Variants in SERGEF observed in about 807,000 individuals in gnomAD.
The protein encoded by SERGEF is secretion regulating guanine nucleotide exchange factor.
A neutral mutation model predicts 50.0 loss-of-function variants in SERGEF; 51 were observed. The observed-to-expected ratio is 1.02, with a 90% CI of 0.81 to 1.29. The LOEUF (loss-of-function observed/expected upper bound fraction) is 1.29. Among genes scored for constraint, SERGEF ranks in the 50% most tolerant of loss-of-function variants. The pLI is 0.00. For synonymous variants in SERGEF, 205 were observed against 212.4 expected, an observed-to-expected ratio of 0.97 and a Z score of 0.30; for missense variants, 521 against 557.0, an observed-to-expected ratio of 0.94 and a Z score of 0.65.
chr11:17,924,650 T>G (rs1590200637), intron 9 of SERGEF, among the ~76,000 whole-genome samples: 4 of 60,564 alleles, frequency 6.6e-5, no homozygotes, highest in Admixed American at 2.3e-4. Context: ...ACAGTGGGGG[T>G]GCGGGGGGTG....
intron 4 of SERGEF, chr11:18,002,057 T>C: frequency 2.2e-6 from 1 of 456,176 alleles, no homozygotes; most frequent in South Asian, 1.5e-5. Context: ...GAAACTATAC[T>C]TCTGTCAATG....
At chr11:17,820,124 A>G (rs1262425810) in intron 10 of SERGEF, among the ~76,000 whole-genome samples, 4 of 152,020 alleles carry the variant, frequency 2.6e-5, no homozygotes, top group African/African-American at 9.7e-5. Flanking sequence ...GATTATAGGC[A>G]TGAGCCACTG....
intron 7 of SERGEF, among the ~76,000 whole-genome samples, chr11:17,989,014 A>T (rs1442702872): frequency 6.6e-6 from 1 of 152,168 alleles, no homozygotes; most frequent in Non-Finnish European, 1.5e-5. Context: ...TTTTCTCTTC[A>T]CTTTTTCATT....
At chr11:17,934,035 T>C (rs1478348868) in intron 9 of SERGEF, among the ~76,000 whole-genome samples, 1 of 152,098 alleles carries the variant, frequency 6.6e-6, no homozygotes, top group Non-Finnish European at 1.5e-5. Flanking sequence ...TGTCAAAATG[T>C]TCATGGAATT....
At chr11:17,874,997 C>A (rs894989337) in intron 10 of SERGEF, among the ~76,000 whole-genome samples, 3 of 152,210 alleles carry the variant, frequency 2.0e-5, no homozygotes. Context: ...GTTCTTAGCA[C>A]TTTACCTAAC....
intron 8 of SERGEF, among the ~76,000 whole-genome samples, chr11:17,976,956 G>A (rs1853389847): frequency 6.6e-6 from 1 of 152,242 alleles, no homozygotes; most frequent in African/African-American, 2.4e-5. Context: ...GGGGCATCAG[G>A]CATCACTGTC....
intron 9 of SERGEF, among the ~76,000 whole-genome samples, chr11:17,894,386 A>C (rs1040846680): frequency 6.6e-6 from 1 of 152,220 alleles, no homozygotes; most frequent in Non-Finnish European, 1.5e-5. Flanking sequence ...TTATAGATTA[A>C]CTGAGAAATA....
At chr11:17,917,490 T>C (rs1192222414) in intron 9 of SERGEF, among the ~76,000 whole-genome samples, 1 of 152,070 alleles carries the variant, frequency 6.6e-6, no homozygotes, top group Non-Finnish European at 1.5e-5. Context: ...GTAATGGGTC[T>C]CAAAAATCAC....
chr11:17,954,632 C>T (rs1328116896), intron 9 of SERGEF, among the ~76,000 whole-genome samples: 2 of 152,212 alleles, frequency 1.3e-5, no homozygotes, highest in African/African-American at 4.8e-5. Context: ...TGACAATTAC[C>T]CAATCTCTGG....
At chr11:18,002,661 T>C (rs1853989312) in intron 4 of SERGEF, among the ~76,000 whole-genome samples, 1 of 152,200 alleles carries the variant, frequency 6.6e-6, no homozygotes, top group South Asian at 2.1e-4. Flanking sequence ...TTTGGGGATA[T>C]ACATGCATCT....
At chr11:17,804,973 C>T (rs143995098) in intron 10 of SERGEF, among the ~76,000 whole-genome samples, 2 of 152,198 alleles carry the variant, frequency 1.3e-5, no homozygotes, top group African/African-American at 4.8e-5. Context: ...CTCTATTATC[C>T]CAATTTACTT....
intron 5 of SERGEF, among the ~76,000 whole-genome samples, chr11:17,999,736 T>C (rs548884401): frequency 6.6e-6 from 1 of 152,322 alleles, no homozygotes. Flanking sequence ...TTTAAATTAA[T>C]AAACAATAAA....
At chr11:17,949,330 C>T (rs1394831326) in intron 9 of SERGEF, among the ~76,000 whole-genome samples, 1 of 151,954 alleles carries the variant, frequency 6.6e-6, no homozygotes, top group Non-Finnish European at 1.5e-5. Context: ...CCCAATGGAG[C>T]CTGGCAAAGA....
intron 6 of SERGEF, among the ~76,000 whole-genome samples, chr11:17,993,262 G>A (rs1027364972): frequency 3.9e-5 from 6 of 152,226 alleles, no homozygotes; most frequent in African/African-American, 1.4e-4. Context: ...ATATGAAAAG[G>A]GGAAAGGCTA....
At chr11:17,820,392 G>A (rs1478972140) in intron 10 of SERGEF, among the ~76,000 whole-genome samples, 2 of 152,186 alleles carry the variant, frequency 1.3e-5, no homozygotes, top group Non-Finnish European at 2.9e-5. Flanking sequence ...GGACACTTGT[G>A]TATTAAGCCA....
intron 10 of SERGEF, among the ~76,000 whole-genome samples, chr11:17,790,384 C>T (rs762410839): frequency 2.7e-5 from 4 of 149,816 alleles, no homozygotes; most frequent in South Asian, 2.1e-4. Flanking sequence ...TCATTGTTTT[C>T]GAAATTTATC....
chr11:18,003,570 G>A (rs1218925341), intron 4 of SERGEF, among the ~76,000 whole-genome samples: 1 of 152,224 alleles, frequency 6.6e-6, no homozygotes, highest in African/African-American at 2.4e-5. Context: ...TGGGAATGGT[G>A]CCAGGCACCT....
At chr11:17,939,983 G>A (rs1565210348) in intron 9 of SERGEF, among the ~76,000 whole-genome samples, 1 of 152,160 alleles carries the variant, frequency 6.6e-6, no homozygotes, top group East Asian at 1.9e-4. Flanking sequence ...TTAGTTACTT[G>A]TTTTATTTGG....
chr11:18,010,772 T>C (rs899511243), intron 1 of SERGEF, among the ~76,000 whole-genome samples: 57 of 152,198 alleles, frequency 3.7e-4, no homozygotes, highest in Non-Finnish European at 5.9e-5. Flanking sequence ...CATCTGAAAC[T>C]GTGCTGGCCC....
Sources: allele counts gnomAD v4.1 joint callset (sites outside exome capture counted in the v4.1 genomes callset), GRCh38; gene constraint gnomAD v4.1.1; transcripts MANE v1.5; gene names NCBI Gene and HGNC (gene_info 2026-07-23, HGNC 2026-07-21).